GNPTAB: variants seen among roughly 807,000 people sequenced by gnomAD.
The protein encoded by GNPTAB is N-acetylglucosamine-1-phosphate transferase subunits alpha and beta, also known as N-acetylglucosamine-1-phosphotransferase subunits alpha/beta.
In GNPTAB, 92 loss-of-function variants were observed where a neutral mutation model predicts 136.6. The ratio of observed to expected loss-of-function variants is 0.67; its 90% CI spans 0.57 to 0.80. GNPTAB has a LOEUF of 0.80. Ranked by LOEUF, GNPTAB falls within the 30% of genes least tolerant of loss-of-function variation. The pLI, the probability that GNPTAB is intolerant of heterozygous loss-of-function variation, is 0.00. For synonymous variants in GNPTAB, 512 were observed against 535.1 expected (o/e 0.96, Z 0.60); for missense variants, 1,343 against 1,501.8 (o/e 0.89, Z 1.75).
chr12:101,776,414 A>C (rs570313943), intron 7 of GNPTAB, among the ~76,000 whole-genome samples: 63 of 152,330 alleles, frequency 4.1e-4, no homozygotes, highest in African/African-American at 1.5e-3. Context: ...TTATTAAAGG[A>C]CCCACCTCAA....
intron 7 of GNPTAB, among the ~76,000 whole-genome samples, chr12:101,775,281 A>C (rs1174502348): frequency 1.3e-5 from 2 of 152,126 alleles, no homozygotes; most frequent in African/African-American, 2.4e-5. Context: ...TAGGAAAAAA[A>C]CCCCACGTCT....
chr12:101,761,610 T>C lies in GNPTAB; in HGVS notation c.2869A>G (p.Met957Val), dbSNP rs755493862. The C allele has an allele frequency of 3.1e-6, 5 of 1,614,220 alleles. No individual in the cohort carries two copies. Among genetic ancestry groups the C allele is most frequent in the Non-Finnish European group, 3.4e-6 (4 of 1,180,034 alleles). The change falls in exon 14 of 21, where the codon ATG (methionine) becomes GTG (valine). Residue 957 changes from methionine (M) to valine (V), a missense_variant. Physicochemically the swap from Met to Val is conservative, Grantham distance 21. Coordinates refer to ENST00000299314, the MANE Select transcript of GNPTAB (RefSeq NM_024312.5). ...ACAATCCGGTCAATCATGTGAGGCA[T>C]GTGAGCAGGGACTTTCCGCGATGTG... ...GFTSRKVPAH[M>V]PHMIDRIVMQ...
At chr12:101,826,623 G>A (rs1050468034) in intron 1 of GNPTAB, among the ~76,000 whole-genome samples, 2 of 151,342 alleles carry the variant, frequency 1.3e-5, no homozygotes, top group Admixed American at 6.6e-5. Context: ...AAACTGACTT[G>A]AGGCTAGGTA....
rs1228421088 is a variant in GNPTAB, at chr12:101,830,860, C to G, written c.-185G>C. The G allele has an allele frequency of 1.3e-5, 2 of 154,658 alleles. No individual in the cohort carries two copies. Among genetic ancestry groups the G allele is most frequent in the East Asian group, 3.7e-4 (2 of 5,458 alleles). 9.6% of individuals were successfully genotyped at this position (154,658 alleles called of 1,614,324 possible). Reference sequence around the variant, plus strand: ...CGGCTCCGCGCCGCGGCCGCCGCTTCCGGGAGCCGGGAGCCCACGCCCTCG... The same window carrying G: ...CGGCTCCGCGCCGCGGCCGCCGCTTGCGGGAGCCGGGAGCCCACGCCCTCG... On this transcript the variant is annotated 5_prime_UTR_variant, in exon 1 of 21. Transcript: ENST00000299314.
intron 2 of GNPTAB, among the ~76,000 whole-genome samples, chr12:101,794,003 T>C (rs1210869177): frequency 2.0e-5 from 3 of 152,114 alleles, no homozygotes; most frequent in Non-Finnish European, 4.4e-5. Flanking sequence ...ACCACCGCCC[T>C]GGCTAATTTT....
intron 1 of GNPTAB, among the ~76,000 whole-genome samples, chr12:101,809,775 G>A (rs919937892): frequency 6.6e-6 from 1 of 152,186 alleles, no homozygotes; most frequent in Admixed American, 6.5e-5. Context: ...AATAGGTGAA[G>A]CACAGAGCAA....
chr12:101,769,590 CTATATA>C (rs1201391707), intron 10 of GNPTAB, among the ~76,000 whole-genome samples: 3 of 152,006 alleles, frequency 2.0e-5, no homozygotes, highest in African/African-American at 7.2e-5. Flanking sequence ...TCTCATATAT[CTATATA>C]TATTTTTTTA....
rs1594218809 is a variant in GNPTAB at position 101,770,093 on chromosome 12, G to C, written c.1212C>G (p.Tyr404Ter). The C allele has an allele frequency of 6.2e-7, 1 of 1,614,016 alleles. No homozygotes were observed. The change falls in exon 10 of 21, where the codon TAC becomes TAG. Residue 404 changes from tyrosine (Y) to a stop codon, truncating the protein, a stop_gained. Transcript: ENST00000299314. LOFTEE classifies it high-confidence loss of function. Reference protein sequence around the residue: ...RIEGLSQKFIYLNDDVMFGKD... With the variant: ...RIEGLSQKFI ...TCCCAAACATGACATCATCATTTAG[G>C]TAAATAAACTTCTGGGACAGCCCTT...
Position 101,761,544 on chromosome 12 carries a change from C to T in GNPTAB, c.2915+20G>A, listed in dbSNP as rs1566071665. The T allele has an allele frequency of 6.2e-7, 1 of 1,609,478 alleles. No homozygotes were observed. Among genetic ancestry groups the T allele is most frequent in the Non-Finnish European group, 8.5e-7 (1 of 1,176,414 alleles). On this transcript the variant is annotated intron_variant, in intron 14 of 20. Coordinates refer to ENST00000299314, the MANE Select transcript of GNPTAB (RefSeq NM_024312.5). The stretch of plus-strand genomic sequence containing the variant: ...TAGTTCTGAACACAAGCAAACAACT[C>T]AAACACGAGCAAGACTTACATATCT...
intron 2 of GNPTAB, among the ~76,000 whole-genome samples, chr12:101,795,614 G>C (rs962174334): frequency 6.6e-6 from 1 of 151,822 alleles, no homozygotes; most frequent in Non-Finnish European, 1.5e-5. Flanking sequence ...TTAGCTGTGC[G>C]TGGTGGTGCA....
At chr12:101,822,947 C>G (rs977670910) in intron 1 of GNPTAB, among the ~76,000 whole-genome samples, 2 of 152,226 alleles carry the variant, frequency 1.3e-5, no homozygotes, top group Non-Finnish European at 2.9e-5. Flanking sequence ...ATAAAGGAAC[C>G]TACCCCTACA....
At chr12:101,756,091 G>C (rs1952896649) in intron 18 of GNPTAB, 1 of 152,288 alleles carries the variant, frequency 6.6e-6, no homozygotes, top group Non-Finnish European at 1.5e-5. Flanking sequence ...TCAAGTGGAG[G>C]GAACAGCATA....
At chr12:101,769,956 C>T (rs943919923) in intron 10 of GNPTAB, 65 bp downstream of exon 10, 18 of 1,401,366 alleles carry the variant, frequency 1.3e-5, no homozygotes, top group Admixed American at 1.0e-4. Context: ...GTAGTATGTG[C>T]ACTCATTTTC....
At chr12:101,792,568 A>G (rs1442362186) in intron 2 of GNPTAB, among the ~76,000 whole-genome samples, 1 of 152,266 alleles carries the variant, frequency 6.6e-6, no homozygotes, top group Middle Eastern at 3.4e-3. Context: ...ACCTTTGAAT[A>G]TGCTTTTCCT....
rs12322720 is a variant in GNPTAB, at chr12:101,795,668, G to T, written c.203+1009C>A. ...CTTGGGAGGCTGAGGCAGGAGAATC[G>T]CTTGAATCCAGGAGGCAGAGGTTGC... On this transcript the variant is annotated intron_variant, in intron 2 of 20. Coordinates refer to ENST00000299314, the MANE Select transcript of GNPTAB (RefSeq NM_024312.5). Among the ~76,000 whole-genome samples the T allele has an allele frequency of 3.7e-3, 555 of 151,996 alleles. 3 individuals are homozygous for T. The highest frequency in any genetic ancestry group is 0.013 in the African/African-American group (534 of 41,444).
At position 101,770,386 on chromosome 12, in the gene GNPTAB, A is replaced by G. The variant is rs369257408; in HGVS notation, c.1113+20T>C. 5.7e-6 allele frequency: 9 copies of G among 1,584,332 alleles called. No individual in the cohort carries two copies. Among genetic ancestry groups the G allele is most frequent in the Non-Finnish European group, 6.9e-6 (8 of 1,153,018 alleles). The stretch of plus-strand genomic sequence containing the variant: ...CAGAATTAGAAATCACAGTCTTGTA[A>G]TTTTTAGAAAGTCCTGTACCTGGTG... On this transcript the variant is annotated intron_variant, in intron 9 of 20. Transcript: ENST00000299314.
At chr12:101,762,342 A>G (rs549696423) in intron 13 of GNPTAB, among the ~76,000 whole-genome samples, 31 of 152,358 alleles carry the variant, frequency 2.0e-4, no homozygotes, top group African/African-American at 7.2e-4. Context: ...TAAAAATGTA[A>G]GGAGACTGAT....
chr12:101,824,437 C>T (rs10860795), intron 1 of GNPTAB, among the ~76,000 whole-genome samples: 4,203 of 46,300 alleles, frequency 0.091, 89 homozygotes, highest in Middle Eastern at 0.15. Context: ...TATATATTTT[C>T]TTTTTTTTTT....
At chr12:101,802,448 T>G (rs1869696971) in intron 1 of GNPTAB, among the ~76,000 whole-genome samples, 1 of 152,024 alleles carries the variant, frequency 6.6e-6, no homozygotes, top group Admixed American at 6.6e-5. Flanking sequence ...CAGTAGGTGG[T>G]TCACATTCTT....
Sources: allele counts gnomAD v4.1 joint callset (sites outside exome capture counted in the v4.1 genomes callset), GRCh38; gene constraint gnomAD v4.1.1; transcripts MANE v1.5; gene names NCBI Gene and HGNC (gene_info 2026-07-23, HGNC 2026-07-21).